The following CFAP74 variants were observed in gnomAD, a reference collection of about 807,000 sequenced individuals.
The protein encoded by CFAP74 is cilia- and flagella-associated protein 74.
A neutral mutation model predicts 188.9 loss-of-function variants in CFAP74; 124 were observed. The ratio of observed to expected loss-of-function variants is 0.66; its 90% CI spans 0.57 to 0.76. CFAP74 has a LOEUF of 0.76. Among genes scored for constraint, CFAP74 ranks in the 30% least tolerant of loss-of-function variants. CFAP74 has a pLI of 0.00. For missense variants in CFAP74, 2,198 were observed against 2,165.2 expected (o/e 1.02, Z -0.30); for synonymous variants, 956 against 916.7 (o/e 1.04, Z -0.77).
At chr1:1,944,584 G>T in intron 20 of CFAP74, 132 bp from the exon 21 acceptor site, 2 of 898,212 alleles carry the variant, frequency 2.2e-6, no homozygotes, top group Non-Finnish European at 3.3e-6. Context: ...GACGGCTGTG[G>T]CACTTTTCAT....
chr1:1,962,057 C>T (rs760378354), intron 14 of CFAP74, among the ~76,000 whole-genome samples: 18 of 152,332 alleles, frequency 1.2e-4, no homozygotes, highest in African/African-American at 3.8e-4. Flanking sequence ...CACTTCACAA[C>T]GCTCGCGGGA....
At position 1,989,116 on chromosome 1, in the gene CFAP74, T is replaced by C. The variant is rs1469880016; in HGVS notation, c.68-143A>G. On this transcript the variant is annotated intron_variant, in intron 2 of 38. Transcript: ENST00000682832. ...GCAGCCACACAAGCACAGGCAGAGG[T>C]AAACAGCCTGGGTGACTCAGTGGGA... The C allele has an allele frequency of 8.8e-6, 4 of 453,864 alleles. No homozygotes were observed. In the Admixed American group the frequency reaches 1.4e-4, roughly 16 times the overall value. The allele number at this position is 453,864 out of a possible 1,614,324, so 28.1% of individuals were successfully genotyped here. A position where few individuals can be genotyped will look rare whatever the true frequency, so the allele number is the denominator to read the frequency against.
intron 5 of CFAP74, among the ~76,000 whole-genome samples, chr1:1,986,141 T>G (rs544566280): frequency 1.3e-5 from 2 of 152,108 alleles, no homozygotes; most frequent in African/African-American, 4.8e-5. Flanking sequence ...TTCCAGCAAT[T>G]TGGGAGGCCG....
intron 5 of CFAP74, among the ~76,000 whole-genome samples, chr1:1,986,590 T>A (rs1226020164): frequency 1.3e-5 from 2 of 152,144 alleles, no homozygotes; most frequent in African/African-American, 4.8e-5. Flanking sequence ...GTTTCCAGCG[T>A]CCCCCAGGCC....
chr1:1,927,729 G>A lies in CFAP74; in HGVS notation c.3405C>T (p.Ala1135=). 3 of 1,550,078 alleles carry A rather than the reference G, an allele frequency of 1.9e-6. No homozygotes were observed. Among genetic ancestry groups the A allele is most frequent in the Non-Finnish European group, 1.7e-6 (2 of 1,146,750 alleles). The part of the protein sequence containing the change: ...METKSFRKNM[A]PQRKDLHGLS... ...GTCCATGCAGGTCCTTCCTCTGGGGGGCCATATTCTTTCGGAACTGTGGGG... is the reference window on the plus strand; with the variant it reads ...GTCCATGCAGGTCCTTCCTCTGGGGAGCCATATTCTTTCGGAACTGTGGGG... Residue 1135 remains alanine, a synonymous_variant, in exon 28 of 39, where the codon GCC becomes GCT. Coordinates refer to ENST00000682832, the MANE Select transcript of CFAP74 (RefSeq NM_001304360.2).
intron 13 of CFAP74, 52 bp from the exon 14 acceptor site, chr1:1,963,919 G>T (rs757308691): frequency 1.7e-6 from 2 of 1,202,560 alleles, no homozygotes; most frequent in Non-Finnish European, 2.5e-6. Context: ...GGGCTGTGCT[G>T]TGAGCACCGA....
intron 27 of CFAP74, 116 bp downstream of exon 27, chr1:1,928,668 T>C: frequency 1.4e-6 from 1 of 707,454 alleles, no homozygotes; most frequent in East Asian, 2.7e-5. Flanking sequence ...TTGGGAAAGG[T>C]CTACCCTGTG....
At chr1:1,988,728 C>G (rs1422359894) in intron 3 of CFAP74, 73 bp from the exon 4 acceptor site, 7 of 1,573,458 alleles carry the variant, frequency 4.4e-6, no homozygotes, top group Non-Finnish European at 5.2e-6. Context: ...GTGTGGCTGC[C>G]GGGGTAGGTG....
In CFAP74 at chr1:1,930,172, C is replaced by A. The variant is rs1383059188; in HGVS notation, c.3176G>T (p.Arg1059Leu). ...GGGAGAGGCGTCCTCTGAGCCAATG[C>A]GGGGCTTGGAGTGGGTCGGTGAGCT... Reference protein sequence around the residue: ...SMSSPTHSKPRIGSEDASPMG... With the variant: ...SMSSPTHSKPLIGSEDASPMG... The change falls in exon 26 of 39, where the codon CGC (arginine) becomes CTC (leucine). Residue 1059 changes from arginine to leucine, a missense_variant. Transcript: ENST00000682832. 9 of 1,535,534 alleles carry A rather than the reference C, an allele frequency of 5.9e-6. No individual in the cohort carries two copies. Among genetic ancestry groups the A allele is most frequent in the Non-Finnish European group, 7.8e-6 (9 of 1,146,738 alleles).
intron 6 of CFAP74, chr1:1,984,571 G>A (rs1488919328): frequency 6.6e-6 from 1 of 152,422 alleles, no homozygotes; most frequent in African/African-American, 2.4e-5. Flanking sequence ...CTGGACACCA[G>A]CTTGGGTCGT....
chr1:1,927,153 T>G, intron 28 of CFAP74, 125 bp from the exon 29 acceptor site: 2 of 1,153,158 alleles, frequency 1.7e-6, no homozygotes, highest in South Asian at 3.1e-5. Context: ...CTGTCCCAGT[T>G]GTGTCTGACA....
chr1:1,947,325 T>G (rs76133100), intron 18 of CFAP74, among the ~76,000 whole-genome samples: 7,861 of 152,354 alleles, frequency 0.052, 282 homozygotes, highest in Non-Finnish European at 0.074. Context: ...TATTAGAGGC[T>G]GGAGTGGGAA....
rs1326952373 is a variant in CFAP74, at chr1:1,985,498, G to A, written c.396-8C>T. The A allele has an allele frequency of 3.7e-6, 6 of 1,611,512 alleles. No individual in the cohort carries two copies. The highest frequency in any genetic ancestry group is 3.3e-5 in the South Asian group (3 of 91,050). On this transcript the variant is annotated splice_region_variant and splice_polypyrimidine_tract_variant and intron_variant, in intron 5 of 38. Coordinates refer to ENST00000682832, the MANE Select transcript of CFAP74 (RefSeq NM_001304360.2). ...AGGCGGCCCACAGCGGCCCTGCAGT[G>A]GTGAACGGACAGGCCGGGCGTGTGT...
intron 1 of CFAP74, 63 bp downstream of exon 1, chr1:2,003,638 G>C (rs965487504): frequency 2.0e-5 from 3 of 152,226 alleles, no homozygotes; most frequent in African/African-American, 7.2e-5. Context: ...TTCTGCCTGG[G>C]GGGCGGGGGT....
intron 37 of CFAP74, 47 bp downstream of exon 37, chr1:1,922,938 A>G: frequency 6.5e-7 from 1 of 1,530,000 alleles, no homozygotes; most frequent in Non-Finnish European, 8.8e-7. Context: ...AGGGCAGGGG[A>G]GGCCGAGGGG....
At chr1:1,932,119 G>A (rs1349230585) in intron 25 of CFAP74, among the ~76,000 whole-genome samples, 8 of 150,016 alleles carry the variant, frequency 5.3e-5, no homozygotes, top group African/African-American at 7.4e-5. Context: ...AATGTAGGCC[G>A]GGCGCGGTGG....
Position 1,973,937 on chromosome 1 carries a change from G to T in CFAP74, c.674+88C>A. 1 of 1,292,746 alleles carries T rather than the reference G, an allele frequency of 7.7e-7. No individual in the cohort carries two copies. The highest frequency in any genetic ancestry group is 1.0e-6 in the Non-Finnish European group (1 of 964,808). The allele number at this position is 1,292,746 out of a possible 1,614,324, so 80.1% of individuals were successfully genotyped here. ...GATCTGGACAGATGTGGAGGGCGAG[G>T]CTGAATCTGGAGACCCCTGGGGGAG... On this transcript the variant is annotated intron_variant, in intron 7 of 38. Transcript: ENST00000682832. The surrounding 1 kb of genome is among the most constrained non-coding windows in gnomAD (Gnocchi z 6.2).
chr1:1,998,004 G>A (rs1001957579), intron 1 of CFAP74, among the ~76,000 whole-genome samples: 3 of 152,212 alleles, frequency 2.0e-5, no homozygotes, highest in South Asian at 2.1e-4. Context: ...TGGGCCGGGC[G>A]TGGTGGCTCA....
chr1:1,987,083 C>T (rs745935601), intron 4 of CFAP74, 48 bp from the exon 5 acceptor site: 1 of 1,515,556 alleles, frequency 6.6e-7, no homozygotes, highest in East Asian at 2.3e-5. Flanking sequence ...GAAACTCCAG[C>T]CTCCAAAGTG....
Sources: gnomAD v4.1 joint callset for allele counts (sites outside exome capture counted in the v4.1 genomes callset) on GRCh38, gnomAD v4.1.1 for gene constraint, Gnocchi (gnomAD v3.1) non-coding constraint, MANE v1.5 for transcripts, NCBI Gene and HGNC (gene_info 2026-07-23, HGNC 2026-07-21) for gene names.